Variants in EPB41L4B observed in about 807,000 individuals in gnomAD.
EPB41L4B encodes band 4.1-like protein 4B.
Under a neutral mutation model 112.5 loss-of-function variants are expected in EPB41L4B, and 30 were observed. The observed-to-expected ratio is 0.27, with a 90% CI of 0.20 to 0.36. EPB41L4B has a LOEUF of 0.36. Ranked by LOEUF, EPB41L4B falls within the 10% of genes least tolerant of loss-of-function variation. The pLI is 1.00. For synonymous variants in EPB41L4B, 408 were observed against 439.7 expected, an observed-to-expected ratio of 0.93 and a Z score of 0.90; for missense variants, 1,024 against 1,133.3, an observed-to-expected ratio of 0.90 and a Z score of 1.38.
intron 23 of EPB41L4B, 63 bp downstream of exon 23, chr9:109,185,426 C>G: frequency 6.9e-7 from 1 of 1,453,002 alleles, no homozygotes; most frequent in South Asian, 1.1e-5. Flanking sequence ...TTCCACCTCG[C>G]CTGGTGGCTC....
chr9:109,309,035 A>G (rs2119255806), intron 1 of EPB41L4B, among the ~76,000 whole-genome samples: 1 of 152,318 alleles, frequency 6.6e-6, no homozygotes, highest in Non-Finnish European at 1.5e-5. Context: ...AAGATCACGC[A>G]CTGCACTCCA....
chr9:109,209,751 C>T (rs1439707817), intron 17 of EPB41L4B, among the ~76,000 whole-genome samples: 1 of 152,158 alleles, frequency 6.6e-6, no homozygotes, highest in South Asian at 2.1e-4. Flanking sequence ...ATTTCATACG[C>T]ATGTCTCACC....
intron 17 of EPB41L4B, among the ~76,000 whole-genome samples, chr9:109,209,469 T>C: frequency 6.6e-6 from 1 of 151,758 alleles, no homozygotes; most frequent in East Asian, 1.9e-4. Flanking sequence ...GAGACCAGCC[T>C]GGGAAACACA....
intron 21 of EPB41L4B, among the ~76,000 whole-genome samples, 194 bp downstream of exon 21, chr9:109,194,026 T>C (rs1219589665): frequency 6.6e-6 from 1 of 152,234 alleles, no homozygotes; most frequent in East Asian, 1.9e-4. Flanking sequence ...ATTTCACTCA[T>C]TGTCTCACAA....
chr9:109,303,559 CCCAGG>C (rs1253297918), intron 1 of EPB41L4B, among the ~76,000 whole-genome samples: 1 of 151,982 alleles, frequency 6.6e-6, no homozygotes, highest in East Asian at 1.9e-4. Flanking sequence ...CACCAAGTTT[CCCAGG>C]CTGGTCTCAA....
intron 1 of EPB41L4B, among the ~76,000 whole-genome samples, chr9:109,293,273 T>C (rs1836600823): frequency 6.6e-6 from 1 of 152,244 alleles, no homozygotes; most frequent in Admixed American, 6.5e-5. Context: ...ATTTATGATG[T>C]TTTTCATAAT....
At chr9:109,263,359 G>C (rs116386128) in intron 5 of EPB41L4B, among the ~76,000 whole-genome samples, 219 of 152,290 alleles carry the variant, frequency 1.4e-3, no homozygotes, top group African/African-American at 5.1e-3. Context: ...TACTGAATTT[G>C]GCAAGAATGG....
At chr9:109,235,438 C>T (rs543468249) in intron 15 of EPB41L4B, among the ~76,000 whole-genome samples, 7 of 145,778 alleles carry the variant, frequency 4.8e-5, no homozygotes, top group Non-Finnish European at 7.5e-5. Flanking sequence ...CACTGTCACC[C>T]AGGCTGGAGT....
intron 15 of EPB41L4B, among the ~76,000 whole-genome samples, chr9:109,223,231 G>A (rs1185760085): frequency 6.6e-6 from 1 of 152,016 alleles, no homozygotes; most frequent in African/African-American, 2.4e-5. Context: ...CTTGGGCCTA[G>A]GAGTTCGAGA....
intron 15 of EPB41L4B, among the ~76,000 whole-genome samples, chr9:109,234,527 T>C (rs1224957762): frequency 6.6e-6 from 1 of 152,218 alleles, no homozygotes; most frequent in Non-Finnish European, 1.5e-5. Flanking sequence ...AACTTTTGGC[T>C]ATTTGTATTT....
intron 21 of EPB41L4B, among the ~76,000 whole-genome samples, chr9:109,192,918 G>T (rs573488660): frequency 6.6e-6 from 1 of 152,188 alleles, no homozygotes; most frequent in Non-Finnish European, 1.5e-5. Context: ...CCCAAGGAGA[G>T]AGATGGCCAG....
chr9:109,214,528 C>T (rs369571853), intron 16 of EPB41L4B, among the ~76,000 whole-genome samples: 17 of 152,086 alleles, frequency 1.1e-4, no homozygotes, highest in African/African-American at 1.7e-4. Context: ...AGGAGCAGGA[C>T]GGAACTGAGG....
intron 4 of EPB41L4B, among the ~76,000 whole-genome samples, chr9:109,265,929 T>G (rs1429216904): frequency 6.6e-6 from 1 of 151,488 alleles, no homozygotes; most frequent in Non-Finnish European, 1.5e-5. Flanking sequence ...AGAAGCAGCA[T>G]TCATAGAGGA....
chr9:109,265,050 A>G, intron 4 of EPB41L4B, 26 bp from the exon 5 acceptor site: 1 of 1,594,950 alleles, frequency 6.3e-7, no homozygotes, highest in Non-Finnish European at 8.5e-7. Flanking sequence ...AAAAGTCAAC[A>G]GAGGGTAACT....
intron 1 of EPB41L4B, among the ~76,000 whole-genome samples, chr9:109,297,243 A>G (rs1836767666): frequency 6.6e-6 from 1 of 151,966 alleles, no homozygotes; most frequent in South Asian, 2.1e-4. Flanking sequence ...CTTCAGAGGA[A>G]ACCAACCCTG....
intron 1 of EPB41L4B, among the ~76,000 whole-genome samples, chr9:109,284,209 T>C (rs768400606): frequency 2.3e-4 from 35 of 152,196 alleles, no homozygotes; most frequent in Non-Finnish European, 7.3e-5. Flanking sequence ...TGATAAAGTA[T>C]TGAATATCTC....
chr9:109,316,167 G>C (rs1837626536), intron 1 of EPB41L4B, among the ~76,000 whole-genome samples: 1 of 152,196 alleles, frequency 6.6e-6, no homozygotes, highest in Non-Finnish European at 1.5e-5. Flanking sequence ...AATATGCAAA[G>C]GTAGATCTTC....
At position 109,268,468 on chromosome 9, in the gene EPB41L4B, T is replaced by C. The variant is rs373775617; in HGVS notation, c.412-35A>G. On this transcript the variant is annotated intron_variant, in intron 2 of 25. Transcript: ENST00000374566. ...AGAAAAAAAGTTTCTTTAGGAATAGTTCATCAGCAAGGTTATTCAGCCCTC... is the reference window on the plus strand; with the variant it reads ...AGAAAAAAAGTTTCTTTAGGAATAGCTCATCAGCAAGGTTATTCAGCCCTC... 2.5e-6 allele frequency: 4 copies of C among 1,590,844 alleles called. No homozygotes were observed. The Middle Eastern group carries it at 6.7e-4, about 265-fold the overall frequency.
At chr9:109,236,994 A>G (rs1364385949) in intron 15 of EPB41L4B, among the ~76,000 whole-genome samples, 2 of 152,262 alleles carry the variant, frequency 1.3e-5, no homozygotes, top group African/African-American at 4.8e-5. Flanking sequence ...GAAGGGATCA[A>G]TATGGCTGTT....
Sources: allele counts gnomAD v4.1 joint callset (sites outside exome capture counted in the v4.1 genomes callset), GRCh38; gene constraint gnomAD v4.1.1; transcripts MANE v1.5; gene names NCBI Gene and HGNC (gene_info 2026-07-23, HGNC 2026-07-21).